GPC5: variants seen among roughly 807,000 people sequenced by gnomAD.
GPC5 encodes the protein glypican-5.
A neutral mutation model predicts 53.9 loss-of-function variants in GPC5; 47 were observed. The ratio of observed to expected loss-of-function variants is 0.87; its 90% CI spans 0.69 to 1.11. The LOEUF (loss-of-function observed/expected upper bound fraction) is 1.11. GPC5 is among the 50% of genes most tolerant of loss of function. GPC5 has a pLI of 0.00. For synonymous variants in GPC5, 286 were observed against 263.3 expected (o/e 1.09, Z -0.84); for missense variants, 748 against 713.1 (o/e 1.05, Z -0.56).
intron 7 of GPC5, among the ~76,000 whole-genome samples, chr13:92,392,798 A>T (rs1325904716): frequency 1.3e-5 from 2 of 152,214 alleles, no homozygotes; most frequent in Non-Finnish European, 2.9e-5. Flanking sequence ...TATATAAAAA[A>T]AGCTCAGTAT....
At chr13:92,109,926 A>G (rs983578713) in intron 6 of GPC5, among the ~76,000 whole-genome samples, 3 of 152,196 alleles carry the variant, frequency 2.0e-5, no homozygotes, top group African/African-American at 7.2e-5. Flanking sequence ...ACTAGTCCCT[A>G]TACCTAAGAA....
chr13:92,601,597 A>G (rs967194838), intron 7 of GPC5, among the ~76,000 whole-genome samples: 1 of 149,238 alleles, frequency 6.7e-6, no homozygotes, highest in African/African-American at 2.4e-5. Context: ...CATATTGCTC[A>G]TTTTTTATGT....
intron 6 of GPC5, among the ~76,000 whole-genome samples, chr13:92,048,264 G>T: frequency 7.2e-6 from 1 of 138,492 alleles, no homozygotes; most frequent in African/African-American, 2.6e-5. Flanking sequence ...TTCATACAAC[G>T]TTGTAACATA....
At chr13:92,445,340 G>A (rs1877765842) in intron 7 of GPC5, among the ~76,000 whole-genome samples, 2 of 139,798 alleles carry the variant, frequency 1.4e-5, no homozygotes, top group Admixed American at 1.5e-4. Context: ...TATACTTTAA[G>A]TTTTAGGGTA....
intron 2 of GPC5, among the ~76,000 whole-genome samples, chr13:91,615,195 G>A (rs760228576): frequency 7.9e-5 from 12 of 152,088 alleles, no homozygotes; most frequent in East Asian, 1.9e-4. Context: ...TCTTTCTCTC[G>A]TAAGAGTCTG....
At chr13:91,633,977 AC>A (rs1374967685) in intron 2 of GPC5, among the ~76,000 whole-genome samples, 1 of 152,032 alleles carries the variant, frequency 6.6e-6, no homozygotes, top group Non-Finnish European at 1.5e-5. Context: ...TAATCCTTAA[AC>A]ACCAATATTG....
At chr13:92,740,960 G>GTATATATATATATATA (rs1555308306) in intron 7 of GPC5, among the ~76,000 whole-genome samples, 7 of 117,690 alleles carry the variant, frequency 5.9e-5, no homozygotes, top group African/African-American at 9.9e-5. Flanking sequence ...ATATGTATGT[G>GTATATATATATATATA]TATATATATA....
chr13:92,253,380 G>T (rs1197709068), intron 7 of GPC5, among the ~76,000 whole-genome samples: 1 of 151,896 alleles, frequency 6.6e-6, no homozygotes, highest in Non-Finnish European at 1.5e-5. Flanking sequence ...GCTGATGAGA[G>T]ACCTGTCTGG....
chr13:92,565,541 C>T (rs1280837779), intron 7 of GPC5, among the ~76,000 whole-genome samples: 3 of 151,988 alleles, frequency 2.0e-5, no homozygotes, highest in Non-Finnish European at 4.4e-5. Context: ...TAGTGCTTTG[C>T]AGTTACAATT....
chr13:92,845,038 T>G (rs1000106593), intron 7 of GPC5, among the ~76,000 whole-genome samples: 3 of 152,054 alleles, frequency 2.0e-5, no homozygotes, highest in African/African-American at 7.2e-5. Flanking sequence ...CTCAACAAAT[T>G]TTGAGGAAAA....
rs114924774 is a variant in GPC5 at position 92,332,325 on chromosome 13, T to C, written c.1561+187336T>C. On this transcript the variant is annotated intron_variant, in intron 7 of 7. Coordinates refer to ENST00000377067, the MANE Select transcript of GPC5 (RefSeq NM_004466.6). ...GATATCGGTTTGATAGCTTATGTAA[T>C]GTTTTTCTGTTCTCTGTTTTTTACC... Among the ~76,000 whole-genome samples the C allele has an allele frequency of 3.0e-3, 460 of 152,296 alleles. 3 individuals carry two copies. Among genetic ancestry groups the C allele is most frequent in the African/African-American group, 0.01 (431 of 41,574 alleles).
At chr13:91,867,160 A>G (rs568009662) in intron 5 of GPC5, among the ~76,000 whole-genome samples, 2 of 152,354 alleles carry the variant, frequency 1.3e-5, no homozygotes, top group East Asian at 3.9e-4. Context: ...GGTTGTGGCA[A>G]GCCGAGGTCA....
At chr13:91,780,914 C>A (rs1253874641) in intron 5 of GPC5, among the ~76,000 whole-genome samples, 1 of 152,158 alleles carries the variant, frequency 6.6e-6, no homozygotes, top group African/African-American at 2.4e-5. Flanking sequence ...TGTAGCCCCC[C>A]ACTCCCTATA....
rs1393861523 is a variant in GPC5, at chr13:91,683,428, CAACAGGAAACA to C, written c.326-9751_326-9741del. ...AATTATTAGCAATTTGCTACAGCAG[CAACAGGAAACA>C]AACAGGATCATCCTCTTTTGTTGGG... On this transcript the variant is annotated intron_variant, in intron 2 of 7. Coordinates refer to ENST00000377067, the MANE Select transcript of GPC5 (RefSeq NM_004466.6). 2.0e-5 allele frequency among the ~76,000 whole-genome samples: 3 copies of C among 152,170 alleles called. No individual in the cohort carries two copies. In the East Asian group the frequency reaches 5.8e-4, roughly 29 times the overall value.
chr13:91,978,386 T>C (rs1283422963), intron 6 of GPC5, among the ~76,000 whole-genome samples: 2 of 152,218 alleles, frequency 1.3e-5, no homozygotes, highest in African/African-American at 2.4e-5. Context: ...TCCACTTTCA[T>C]TGCACAGTAT....
intron 7 of GPC5, among the ~76,000 whole-genome samples, chr13:92,439,965 G>T (rs1005799330): frequency 6.6e-6 from 1 of 152,122 alleles, no homozygotes; most frequent in African/African-American, 2.4e-5. Context: ...AAAAGAGATT[G>T]ATTCCTTGAA....
rs180832088 is a variant in GPC5, at chr13:92,017,646, G to T, written c.1401+109589G>T. On this transcript the variant is annotated intron_variant, in intron 6 of 7. Coordinates refer to ENST00000377067, the MANE Select transcript of GPC5 (RefSeq NM_004466.6). ...ATTCATATAAAAATATGATTCAGTG[G>T]ATGGCATATAATCAGTGCACAGTGC... Among the ~76,000 whole-genome samples the T allele has an allele frequency of 2.0e-5, 3 of 152,130 alleles. No homozygotes were observed. The East Asian group carries it at 5.8e-4, about 29-fold the overall frequency.
intron 6 of GPC5, among the ~76,000 whole-genome samples, chr13:92,022,513 T>C (rs183090816): frequency 1.4e-4 from 22 of 152,158 alleles, no homozygotes; most frequent in East Asian, 1.3e-3. Flanking sequence ...TGAAATTACA[T>C]TGAGTCAGGT....
chr13:91,432,171 A>T (rs1436547315), intron 1 of GPC5, among the ~76,000 whole-genome samples: 2 of 143,988 alleles, frequency 1.4e-5, no homozygotes, highest in African/African-American at 5.7e-5. Flanking sequence ...ATGTAGCTAG[A>T]TATGCTGCTT....
Sources: gnomAD v4.1 joint callset for allele counts (sites outside exome capture counted in the v4.1 genomes callset) on GRCh38, gnomAD v4.1.1 for gene constraint, MANE v1.5 for transcripts, NCBI Gene and HGNC (gene_info 2026-07-23, HGNC 2026-07-21) for gene names.